EPHA4: variants seen among roughly 807,000 people sequenced by gnomAD.
EPHA4 encodes the protein EPH receptor A4, also known as ephrin type-A receptor 4.
A neutral mutation model predicts 108.3 loss-of-function variants in EPHA4; 19 were observed. The ratio of observed to expected loss-of-function variants is 0.18; its 90% CI spans 0.12 to 0.26. The LOEUF (loss-of-function observed/expected upper bound fraction) is 0.26. Ranked by LOEUF, EPHA4 falls within the 10% of genes least tolerant of loss-of-function variation. The pLI, the probability that EPHA4 is intolerant of heterozygous loss-of-function variation, is 1.00. For synonymous variants in EPHA4, 449 were observed against 455.5 expected, an observed-to-expected ratio of 0.99 and a Z score of 0.18; for missense variants, 917 against 1,254.0, an observed-to-expected ratio of 0.73 and a Z score of 4.06.
At chr2:221,549,425 C>A (rs1694096478) in intron 3 of EPHA4, among the ~76,000 whole-genome samples, 2 of 152,190 alleles carry the variant, frequency 1.3e-5, no homozygotes, top group Admixed American at 1.3e-4. Flanking sequence ...CTCATTCTTG[C>A]TCTCACTTTC....
intron 6 of EPHA4, among the ~76,000 whole-genome samples, chr2:221,457,367 T>C (rs1690991220): frequency 6.6e-6 from 1 of 152,178 alleles, no homozygotes; most frequent in South Asian, 2.1e-4. Flanking sequence ...CTGAAGAATG[T>C]GATTTTCCTT....
At chr2:221,424,050 G>T (rs111430879) in intron 17 of EPHA4, among the ~76,000 whole-genome samples, 7 of 151,968 alleles carry the variant, frequency 4.6e-5, no homozygotes, top group African/African-American at 1.4e-4. Flanking sequence ...GGAGGCCAAG[G>T]TTGCAGTGAG....
chr2:221,459,826 T>C (rs1053250161), intron 5 of EPHA4, among the ~76,000 whole-genome samples: 2 of 152,106 alleles, frequency 1.3e-5, no homozygotes, highest in South Asian at 2.1e-4. Flanking sequence ...AGTGAGGTCA[T>C]TAGAAAGAAA....
At position 221,482,393 on chromosome 2, in the gene EPHA4, G is replaced by C; in HGVS notation, c.1277C>G (p.Pro426Arg). The stretch of plus-strand genomic sequence containing the variant: ...CACAGTGACAGAAACTGATTGGTCT[G>C]GGTTAGGGTTATATTTGGACACTCC... ...VNGVSKYNPN[P>R]DQSVSVTVTT... is the part of the protein sequence containing the mutation. The change falls in exon 5 of 18, where the codon CCA becomes CGA. Residue 426 changes from proline to arginine, a missense_variant. Physicochemically the swap from Pro to Arg is moderately radical, Grantham distance 103 (BLOSUM62 -2). Around this residue, in one of 3 missense-constraint regions of EPHA4, gnomAD observed 758 missense variants for 1,076.7 expected, o/e 0.70. Transcript: ENST00000281821. 2 of 1,613,600 alleles carry C rather than the reference G, an allele frequency of 1.2e-6. No homozygotes were observed. Among genetic ancestry groups the C allele is most frequent in the Non-Finnish European group, 1.7e-6 (2 of 1,179,728 alleles).
chr2:221,572,245 C>A lies in EPHA4; in HGVS notation c.4G>T (p.Ala2Ser). 1 of 1,613,992 alleles carries A rather than the reference C, an allele frequency of 6.2e-7. No individual in the cohort carries two copies. The highest frequency in any genetic ancestry group is 8.5e-7 in the Non-Finnish European group (1 of 1,179,814). The change falls in exon 1 of 18, where the codon GCT (alanine) becomes TCT (serine). Residue 2 changes from alanine (A) to serine (S), a missense_variant. Transcript: ENST00000281821. M[A>S]GIFYFALFSC... Reference sequence around the variant, plus strand: ...AATAGGGCGAAATAGAAAATCCCAGCCATGGTTCGCCGGTGCCAACGCTGC... The same window carrying A: ...AATAGGGCGAAATAGAAAATCCCAGACATGGTTCGCCGGTGCCAACGCTGC...
chr2:221,510,159 G>A lies in EPHA4; in HGVS notation c.824-8987C>T, dbSNP rs139521657. On this transcript the variant is annotated intron_variant, in intron 3 of 17. Transcript: ENST00000281821. ...TTTTGTTTTGTTTTAAAATAAGATT[G>A]GATATAATTTCTAAAACACTATGGG... 3.2e-3 allele frequency among the ~76,000 whole-genome samples: 486 copies of A among 152,114 alleles called. 2 individuals carry two copies. The highest frequency in any genetic ancestry group is 0.015 in the South Asian group (72 of 4,816).
rs75631437 is a variant in EPHA4, at chr2:221,524,689, G to A, written c.824-23517C>T. On this transcript the variant is annotated intron_variant, in intron 3 of 17. Coordinates refer to ENST00000281821, the MANE Select transcript of EPHA4 (RefSeq NM_004438.5). ...ACATAAGGTGCAAATATGCTTTAAC[G>A]GCTTGACTTAACCTGGGAAGATACA... is the stretch of plus-strand genomic sequence containing the variant. Among the ~76,000 whole-genome samples, 63 of 152,282 alleles carry A rather than the reference G, an allele frequency of 4.1e-4. No homozygotes were observed. The East Asian group carries it at 5.6e-3, about 14-fold the overall frequency.
chr2:221,435,413 CAA>C (rs3835976), intron 13 of EPHA4, among the ~76,000 whole-genome samples: 62,136 of 151,730 alleles, frequency 0.41, 13,198 homozygotes, highest in East Asian at 0.55. Flanking sequence ...ACTTGGAATT[CAA>C]AAGAGGACAA....
intron 3 of EPHA4, among the ~76,000 whole-genome samples, chr2:221,504,725 G>A (rs1173719161): frequency 1.3e-5 from 2 of 152,026 alleles, no homozygotes; most frequent in Non-Finnish European, 2.9e-5. Context: ...TTGTTTATAT[G>A]CTCATTGATC....
At chr2:221,570,924 C>G (rs1044570757) in intron 1 of EPHA4, among the ~76,000 whole-genome samples, 3 of 151,820 alleles carry the variant, frequency 2.0e-5, no homozygotes, top group Admixed American at 2.0e-4. Flanking sequence ...GACGGATGGA[C>G]GGACGGATAG....
intron 3 of EPHA4, among the ~76,000 whole-genome samples, chr2:221,520,506 CCACACACACACA>C (rs61047207): frequency 0.012 from 1,743 of 142,116 alleles, 34 homozygotes; most frequent in East Asian, 0.046. Context: ...TTTCCTCTAA[CCACACACACACA>C]CACACACACA....
At chr2:221,485,911 A>G (rs1691961126) in intron 4 of EPHA4, among the ~76,000 whole-genome samples, 1 of 152,214 alleles carries the variant, frequency 6.6e-6, no homozygotes, top group Non-Finnish European at 1.5e-5. Flanking sequence ...ATGGCTAAAA[A>G]GAAGAGAAAA....
chr2:221,500,898 A>C, intron 4 of EPHA4, 119 bp downstream of exon 4: 1 of 1,096,750 alleles, frequency 9.1e-7, no homozygotes, highest in Non-Finnish European at 1.3e-6. Context: ...AGAAAGGATG[A>C]ATGTTTGATC....
intron 3 of EPHA4, among the ~76,000 whole-genome samples, chr2:221,519,676 ACT>A (rs1693099864): frequency 6.6e-6 from 1 of 152,080 alleles, no homozygotes; most frequent in Non-Finnish European, 1.5e-5. Flanking sequence ...TACCTGGGAG[ACT>A]CTGCTCATGG....
At chr2:221,470,969 GTATTTT>G (rs1423709905) in intron 5 of EPHA4, among the ~76,000 whole-genome samples, 2 of 152,014 alleles carry the variant, frequency 1.3e-5, no homozygotes, top group Non-Finnish European at 2.9e-5. Flanking sequence ...CCCTAGAATT[GTATTTT>G]TATTTTATTT....
intron 3 of EPHA4, among the ~76,000 whole-genome samples, chr2:221,538,817 C>G (rs541649799): frequency 6.6e-6 from 1 of 152,250 alleles, no homozygotes; most frequent in African/African-American, 2.4e-5. Flanking sequence ...CAAATAAAAC[C>G]ATATTGACAT....
chr2:221,420,685 A>C (rs527756874), intron 17 of EPHA4, 133 bp from the exon 18 acceptor site: 1 of 152,354 alleles, frequency 6.6e-6, no homozygotes, highest in South Asian at 2.1e-4. Flanking sequence ...TTCAGTGGTG[A>C]GATCACGAAT....
At chr2:221,422,714 T>C (rs1036986717) in intron 17 of EPHA4, among the ~76,000 whole-genome samples, 5 of 152,176 alleles carry the variant, frequency 3.3e-5, no homozygotes, top group African/African-American at 9.7e-5. Flanking sequence ...GTGGTCTATG[T>C]AGGGTCATGA....
At chr2:221,572,307 G>A (rs1694869540), upstream of EPHA4, 6 of 1,475,588 alleles carry the variant, frequency 4.1e-6, no homozygotes, top group African/African-American at 1.4e-5. Context: ...AAATGCTTAA[G>A]TTAGGAGAGC....
Sources: gnomAD v4.1 joint callset for allele counts (sites outside exome capture counted in the v4.1 genomes callset) on GRCh38, gnomAD v4.1.1 for gene constraint, gnomAD v4.1.1 regional missense constraint, MANE v1.5 for transcripts, NCBI Gene and HGNC (gene_info 2026-07-23, HGNC 2026-07-21) for gene names.